The following SLN variants were observed in gnomAD, a reference collection of about 807,000 sequenced individuals.
SLN encodes the protein sarcolipin.
For missense variants in SLN, 34 were observed against 37.4 expected, an observed-to-expected ratio of 0.91 and a Z score of 0.24; for synonymous variants, 19 against 14.4, an observed-to-expected ratio of 1.32 and a Z score of -0.72.
chr11:107,708,582 T>C (rs1420462686), intron 1 of SLN, among the ~76,000 whole-genome samples: 1 of 152,178 alleles, frequency 6.6e-6, no homozygotes, highest in East Asian at 1.9e-4. Context: ...AGAGCCCTAA[T>C]GATTACAGAG....
At position 107,707,946 on chromosome 11, in the gene SLN, G is replaced by A. The variant is rs765261430; in HGVS notation, c.-16C>T. The stretch of plus-strand genomic sequence containing the variant: ...TTATCCCCATTTTCACAGCGGCTTG[G>A]TGAGAACTGCAGGCAGATTTCTGAG... On this transcript the variant is annotated 5_prime_UTR_variant, in exon 2 of 2. Coordinates refer to ENST00000305991, the MANE Select transcript of SLN (RefSeq NM_003063.3). 6.2e-7 allele frequency: 1 copy of A among 1,600,396 alleles called. No individual in the cohort carries two copies. The highest frequency in any genetic ancestry group is 1.7e-5 in the Admixed American group (1 of 59,938).
At position 107,707,925 on chromosome 11, in the gene SLN, C is replaced by A. The variant is rs1277817521; in HGVS notation, c.6G>T (p.Gly2=). Residue 2 remains glycine, a synonymous_variant, in exon 2 of 2, where the codon GGG becomes GGT. Coordinates refer to ENST00000305991, the MANE Select transcript of SLN (RefSeq NM_003063.3). ...TGAGAAACAGCTCCCGGGTGTTTAT[C>A]CCCATTTTCACAGCGGCTTGGTGAG... M[G]INTRELFLNF... is the part of the protein sequence containing the mutation. The A allele has an allele frequency of 6.2e-7, 1 of 1,613,752 alleles. No homozygotes were observed. Among genetic ancestry groups the A allele is most frequent in the Non-Finnish European group, 8.5e-7 (1 of 1,179,708 alleles).
intron 1 of SLN, 87 bp from the exon 2 acceptor site, chr11:107,708,092 G>C (rs1393118269): frequency 4.8e-6 from 3 of 628,880 alleles, no homozygotes; most frequent in South Asian, 3.9e-5. Context: ...GGAAACAGAA[G>C]TGTTGTGGAA....
Position 107,707,947 on chromosome 11 carries a change from T to A in SLN, c.-17A>T, listed in dbSNP as rs1591158198. ...TATCCCCATTTTCACAGCGGCTTGG[T>A]GAGAACTGCAGGCAGATTTCTGAGG... On this transcript the variant is annotated 5_prime_UTR_variant, in exon 2 of 2. Coordinates refer to ENST00000305991, the MANE Select transcript of SLN (RefSeq NM_003063.3). 2 of 1,600,728 alleles carry A rather than the reference T, an allele frequency of 1.2e-6. No individual in the cohort carries two copies.
chr11:107,711,001 T>C (rs1867205005), intron 1 of SLN, among the ~76,000 whole-genome samples: 1 of 152,134 alleles, frequency 6.6e-6, no homozygotes, highest in African/African-American at 2.4e-5. Flanking sequence ...ATGACTCCAT[T>C]TATATGATGT....
At position 107,707,845 on chromosome 11, in the gene SLN, T is replaced by G; in HGVS notation, c.86A>C (p.Tyr29Ser). The change falls in exon 2 of 2, where the codon TAT becomes TCT. Residue 29 changes from tyrosine (Y) to serine (S), a missense_variant. Physicochemically the swap from Tyr to Ser is moderately radical, Grantham distance 144 (BLOSUM62 -2). Coordinates refer to ENST00000305991, the MANE Select transcript of SLN (RefSeq NM_003063.3). ...CCATGGCATGGCCTCTCAGTACTGA[T>G]AGGACCTCACAAGGAGCCACATAAG... ...VILMWLLVRSYQY is the reference protein window; with the variant it reads ...VILMWLLVRSSQY 1 of 1,609,438 alleles carries G rather than the reference T, an allele frequency of 6.2e-7. No individual in the cohort carries two copies. Among genetic ancestry groups the G allele is most frequent in the Non-Finnish European group, 8.5e-7 (1 of 1,175,874 alleles).
chr11:107,707,877 C>T lies in SLN; in HGVS notation c.54G>A (p.Thr18=), dbSNP rs780287040. 14 of 1,613,878 alleles carry T rather than the reference C, an allele frequency of 8.7e-6. No individual in the cohort carries two copies. Among genetic ancestry groups the T allele is most frequent in the East Asian group, 2.2e-5 (1 of 44,876 alleles). ...LFLNFTIVLI[T]VILMWLLVRS... ...TCACAAGGAGCCACATAAGAATAAC[C>T]GTAATCAAGACAATAGTGAAGTTGA... Residue 18 remains threonine (T), a synonymous_variant, in exon 2 of 2, where the codon ACG becomes ACA. Transcript: ENST00000305991.
At position 107,707,666 on chromosome 11, in the gene SLN, A is replaced by T; in HGVS notation, c.*169T>A. On this transcript the variant is annotated 3_prime_UTR_variant, in exon 2 of 2. Transcript: ENST00000305991. ...CCCTTGGGAGCAGCATCTTTGGAGA[A>T]CACATAATCAATCCTAGCACTACAG... The T allele has an allele frequency of 1.9e-6, 1 of 532,396 alleles. No individual in the cohort carries two copies. Among genetic ancestry groups the T allele is most frequent in the Non-Finnish European group, 3.3e-6 (1 of 299,106 alleles). The allele number at this position is 532,396 out of a possible 1,614,324, so 33.0% of individuals were successfully genotyped here. A position where few individuals can be genotyped will look rare whatever the true frequency, so the allele number is the denominator to read the frequency against.
In SLN at chr11:107,707,730, G is replaced by A. The variant is rs498980; in HGVS notation, c.*105C>T. On this transcript the variant is annotated 3_prime_UTR_variant, in exon 2 of 2. Coordinates refer to ENST00000305991, the MANE Select transcript of SLN (RefSeq NM_003063.3). ...GTGAGTGCAGGTCACAGGTGCCCTC[G>A]GATGGAGAATGGCATCCTGTGACAA... 1,141 of 803,982 alleles carry A rather than the reference G, an allele frequency of 1.4e-3. 8 individuals carry two copies. The African/African-American group carries it at 0.017, about 12-fold the overall frequency. 49.8% of individuals were successfully genotyped at this position (803,982 alleles called of 1,614,324 possible).
rs756967282 is a variant in SLN, at chr11:107,707,693, A to G, written c.*142T>C. The G allele has an allele frequency of 3.1e-6, 2 of 648,362 alleles. No individual in the cohort carries two copies. Among genetic ancestry groups the G allele is most frequent in the Non-Finnish European group, 5.6e-6 (2 of 359,644 alleles). 40.2% of individuals were successfully genotyped at this position (648,362 alleles called of 1,614,324 possible). ...ACATAATCAATCCTAGCACTACAGCATAGCAGATATTGTGAGTGCAGGTCA... is the reference window on the plus strand; with the variant it reads ...ACATAATCAATCCTAGCACTACAGCGTAGCAGATATTGTGAGTGCAGGTCA... On this transcript the variant is annotated 3_prime_UTR_variant, in exon 2 of 2. Coordinates refer to ENST00000305991, the MANE Select transcript of SLN (RefSeq NM_003063.3).
Position 107,707,886 on chromosome 11 carries a change from G to A in SLN, c.45C>T (p.Val15=). 6.2e-7 allele frequency: 1 copy of A among 1,613,980 alleles called. No individual in the cohort carries two copies. The highest frequency in any genetic ancestry group is 8.5e-7 in the Non-Finnish European group (1 of 1,179,970). ...TRELFLNFTI[V]LITVILMWLL... is the part of the protein sequence containing the mutation. ...GCCACATAAGAATAACCGTAATCAA[G>A]ACAATAGTGAAGTTGAGAAACAGCT... The change falls in exon 2 of 2, where the codon GTC becomes GTT. Residue 15 remains valine (V), a synonymous_variant. Coordinates refer to ENST00000305991, the MANE Select transcript of SLN (RefSeq NM_003063.3).
intron 1 of SLN, among the ~76,000 whole-genome samples, chr11:107,710,989 A>G (rs1033185985): frequency 5.3e-5 from 8 of 152,194 alleles, no homozygotes; most frequent in Non-Finnish European, 1.0e-4. Context: ...GAAACAGAGA[A>G]TATGACTCCA....
intron 1 of SLN, among the ~76,000 whole-genome samples, chr11:107,710,452 T>G (rs1307882910): frequency 2.0e-5 from 3 of 152,218 alleles, no homozygotes; most frequent in Non-Finnish European, 2.9e-5. Context: ...TTACTGCAGT[T>G]TTTATCTTTC....
intron 1 of SLN, among the ~76,000 whole-genome samples, chr11:107,711,741 G>GA (rs565979356): frequency 1.3e-5 from 2 of 149,976 alleles, no homozygotes; most frequent in East Asian, 2.0e-4. Context: ...ATACAAGAAA[G>GA]AAAAAAAATT....
chr11:107,708,752 A>C (rs1486643320), intron 1 of SLN, among the ~76,000 whole-genome samples: 1 of 152,166 alleles, frequency 6.6e-6, no homozygotes, highest in African/African-American at 2.4e-5. Flanking sequence ...ATGCATGTGT[A>C]TACTTTTCTT....
chr11:107,709,098 T>C (rs1867184332), intron 1 of SLN, among the ~76,000 whole-genome samples: 1 of 152,206 alleles, frequency 6.6e-6, no homozygotes, highest in African/African-American at 2.4e-5. Context: ...GTGCCTAGAT[T>C]GTAAACATTT....
At chr11:107,709,263 T>G (rs940841486) in intron 1 of SLN, among the ~76,000 whole-genome samples, 7 of 152,198 alleles carry the variant, frequency 4.6e-5, no homozygotes, top group Admixed American at 2.0e-4. Context: ...AATTAAAGAT[T>G]TATATATTTT....
chr11:107,707,939 C>A lies in SLN; in HGVS notation c.-9G>T. On this transcript the variant is annotated 5_prime_UTR_variant, in exon 2 of 2. Coordinates refer to ENST00000305991, the MANE Select transcript of SLN (RefSeq NM_003063.3). ...CGGGTGTTTATCCCCATTTTCACAGCGGCTTGGTGAGAACTGCAGGCAGAT... is the reference window on the plus strand; with the variant it reads ...CGGGTGTTTATCCCCATTTTCACAGAGGCTTGGTGAGAACTGCAGGCAGAT... 3 of 1,610,762 alleles carry A rather than the reference C, an allele frequency of 1.9e-6. No individual in the cohort carries two copies. The highest frequency in any genetic ancestry group is 1.7e-6 in the Non-Finnish European group (2 of 1,177,006).
In SLN at chr11:107,707,891, T is replaced by G; in HGVS notation, c.40A>C (p.Ile14Leu). 6.2e-7 allele frequency: 1 copy of G among 1,613,746 alleles called. No homozygotes were observed. The highest frequency in any genetic ancestry group is 8.5e-7 in the Non-Finnish European group (1 of 1,179,892). The change falls in exon 2 of 2, where the codon ATT becomes CTT. Residue 14 changes from isoleucine (I) to leucine (L), a missense_variant. Coordinates refer to ENST00000305991, the MANE Select transcript of SLN (RefSeq NM_003063.3). ...ATAAGAATAACCGTAATCAAGACAA[T>G]AGTGAAGTTGAGAAACAGCTCCCGG... The part of the protein sequence containing the change: ...NTRELFLNFT[I>L]VLITVILMWL...
Sources: allele counts gnomAD v4.1 joint callset (sites outside exome capture counted in the v4.1 genomes callset), GRCh38; gene constraint gnomAD v4.1.1; transcripts MANE v1.5; gene names NCBI Gene and HGNC (gene_info 2026-07-23, HGNC 2026-07-21).